The following CLIP1 variants were observed in gnomAD, a reference collection of about 807,000 sequenced individuals.
CLIP1 encodes the protein CAP-Gly domain containing linker protein 1.
CLIP1 carries 66 observed loss-of-function variants against 161.6 expected under a neutral mutation model. The ratio of observed to expected loss-of-function variants is 0.41; its 90% CI spans 0.33 to 0.50. CLIP1 has a LOEUF of 0.50. Ranked by LOEUF, CLIP1 falls within the 20% of genes least tolerant of loss-of-function variation. The pLI is 0.27. For missense variants in CLIP1, 1,376 were observed against 1,702.0 expected (o/e 0.81, Z 3.37); for synonymous variants, 598 against 626.2 (o/e 0.96, Z 0.67).
chr12:122,337,721 C>T (rs1193094422), intron 11 of CLIP1, among the ~76,000 whole-genome samples: 5 of 151,968 alleles, frequency 3.3e-5, no homozygotes, highest in Non-Finnish European at 5.9e-5. Context: ...ATTTCCTAGA[C>T]TTTAAAAACC....
intron 1 of CLIP1, among the ~76,000 whole-genome samples, chr12:122,385,158 C>T (rs1955198475): frequency 6.6e-6 from 1 of 152,016 alleles, no homozygotes; most frequent in Non-Finnish European, 1.5e-5. Context: ...GTCTCAATCT[C>T]TTGACCTTGT....
At chr12:122,297,694 C>A (rs1950525522) in intron 20 of CLIP1, among the ~76,000 whole-genome samples, 1 of 152,204 alleles carries the variant, frequency 6.6e-6, no homozygotes, top group South Asian at 2.1e-4. Context: ...GACTTCTGCT[C>A]CTGGAAGTGC....
chr12:122,399,502 A>G (rs1956066972), intron 1 of CLIP1: 1 of 152,236 alleles, frequency 6.6e-6, no homozygotes, highest in Non-Finnish European at 1.5e-5. Flanking sequence ...CGTTGCCCCA[A>G]GAAAATCACA....
At chr12:122,273,939 C>T in intron 25 of CLIP1, 99 bp downstream of exon 25, 5 of 952,376 alleles carry the variant, frequency 5.3e-6, no homozygotes, top group Non-Finnish European at 8.1e-6. Context: ...ATCGTGTTGG[C>T]CAGGCTGGTC....
In CLIP1 at chr12:122,309,689, CCTCT is replaced by C. The variant is rs1446059430; in HGVS notation, c.3594+69_3594+72del. 7 of 1,585,988 alleles carry C rather than the reference CCTCT, an allele frequency of 4.4e-6. No individual in the cohort carries two copies. In the Admixed American group the frequency reaches 6.8e-5, roughly 15 times the overall value. On this transcript the variant is annotated intron_variant, in intron 20 of 25. Transcript: ENST00000620786. Reference sequence around the variant, plus strand: ...CCACACTGAGCAGACCTCCGAGTGGCCTCTGAGCGTGCTGCCAACAGCAGCAGCA... The same window carrying C: ...CCACACTGAGCAGACCTCCGAGTGGCGAGCGTGCTGCCAACAGCAGCAGCA...
At chr12:122,284,088 A>G (rs539661054) in intron 21 of CLIP1, among the ~76,000 whole-genome samples, 4 of 152,330 alleles carry the variant, frequency 2.6e-5, no homozygotes, top group Admixed American at 2.6e-4. Context: ...GAAGGGCCCC[A>G]ACTATTATCT....
intron 21 of CLIP1, among the ~76,000 whole-genome samples, chr12:122,287,107 G>A (rs1374018131): frequency 6.6e-6 from 1 of 152,156 alleles, no homozygotes; most frequent in Non-Finnish European, 1.5e-5. Flanking sequence ...CCAGGAGATT[G>A]AGGCTGCCGT....
intron 1 of CLIP1, among the ~76,000 whole-genome samples, chr12:122,419,619 G>A (rs1047986986): frequency 6.6e-5 from 10 of 151,704 alleles, no homozygotes; most frequent in African/African-American, 1.7e-4. Flanking sequence ...ACTGGCTTTC[G>A]AATCCCAGCA....
chr12:122,391,655 A>G (rs11057894), intron 1 of CLIP1, among the ~76,000 whole-genome samples: 19,811 of 152,206 alleles, frequency 0.13, 1,659 homozygotes, highest in East Asian at 0.45. Context: ...AAAATAAATG[A>G]CATTTGGGAT....
chr12:122,380,620 A>G (rs2136835986), intron 1 of CLIP1, 62 bp from the exon 2 acceptor site: 1 of 464,564 alleles, frequency 2.2e-6, no homozygotes, highest in Admixed American at 3.9e-5. Flanking sequence ...AACAACAGGT[A>G]GCTTTCATAG....
intron 20 of CLIP1, among the ~76,000 whole-genome samples, chr12:122,308,832 A>G (rs2136497048): frequency 6.6e-6 from 1 of 152,354 alleles, no homozygotes; most frequent in Non-Finnish European, 1.5e-5. Flanking sequence ...TAAAGTCTAA[A>G]GTTAACTCTC....
At chr12:122,370,160 T>TC (rs1954372192) in intron 3 of CLIP1, among the ~76,000 whole-genome samples, 1 of 86,262 alleles carries the variant, frequency 1.2e-5, no homozygotes, top group Non-Finnish European at 2.3e-5. Flanking sequence ...AAAACCTATC[T>TC]CAAAAAAAAA....
chr12:122,395,406 A>G (rs1955874478), intron 1 of CLIP1: 1 of 152,208 alleles, frequency 6.6e-6, no homozygotes, highest in Non-Finnish European at 1.5e-5. Context: ...GTGTCTGTAG[A>G]ATCGGGGCAG....
In CLIP1 at chr12:122,383,826, C is replaced by G. The variant is rs79179320; in HGVS notation, c.-106-3268G>C. Among the ~76,000 whole-genome samples, 819 of 151,526 alleles carry G rather than the reference C, an allele frequency of 5.4e-3. 9 individuals are homozygous for G. Among genetic ancestry groups the G allele is most frequent in the African/African-American group, 0.019 (780 of 41,074 alleles). ...AATGTCACATTGAAACTAATCAATT[C>G]CAAAAAATGTGCAAAACAAAAAAAA... is the stretch of plus-strand genomic sequence containing the variant. On this transcript the variant is annotated intron_variant, in intron 1 of 25. Coordinates refer to ENST00000620786, the MANE Select transcript of CLIP1 (RefSeq NM_001247997.2).
chr12:122,373,782 A>G (rs1031177404), intron 3 of CLIP1, among the ~76,000 whole-genome samples: 3 of 152,190 alleles, frequency 2.0e-5, no homozygotes, highest in African/African-American at 7.2e-5. Context: ...GCTTCCATAC[A>G]AGTGCCCCAA....
At chr12:122,417,175 T>C (rs1593280578) in intron 1 of CLIP1, among the ~76,000 whole-genome samples, 1 of 152,136 alleles carries the variant, frequency 6.6e-6, no homozygotes, top group African/African-American at 2.4e-5. Context: ...CATGTGCCTG[T>C]AATCCCAGCT....
At chr12:122,288,684 A>C in intron 20 of CLIP1, 143 bp from the exon 21 acceptor site, 4 of 645,368 alleles carry the variant, frequency 6.2e-6, no homozygotes, top group Non-Finnish European at 1.1e-5. Flanking sequence ...ACAAGTGGTC[A>C]CTCTATCACA....
At chr12:122,286,042 T>C (rs1484245305) in intron 21 of CLIP1, among the ~76,000 whole-genome samples, 1 of 152,052 alleles carries the variant, frequency 6.6e-6, no homozygotes, top group Non-Finnish European at 1.5e-5. Flanking sequence ...TTCTTTAAGG[T>C]TTGTTTTTAG....
chr12:122,379,139 A>G (rs1954883433), intron 2 of CLIP1, among the ~76,000 whole-genome samples: 1 of 151,164 alleles, frequency 6.6e-6, no homozygotes, highest in Admixed American at 6.6e-5. Flanking sequence ...AAACAAAACA[A>G]AACCAAAAAA....
Sources: allele counts gnomAD v4.1 joint callset (sites outside exome capture counted in the v4.1 genomes callset), GRCh38; gene constraint gnomAD v4.1.1; transcripts MANE v1.5; gene names NCBI Gene and HGNC (gene_info 2026-07-23, HGNC 2026-07-21).